SBF2: variants seen among roughly 807,000 people sequenced by gnomAD.
The protein encoded by SBF2 is myotubularin-related protein 13.
SBF2 carries 112 observed loss-of-function variants against 225.2 expected under a neutral mutation model. The observed-to-expected ratio is 0.50, with a 90% CI of 0.43 to 0.58. SBF2 has a LOEUF of 0.58. Among genes scored for constraint, SBF2 ranks in the 20% least tolerant of loss-of-function variants. SBF2 has a pLI of 0.00. For synonymous variants in SBF2, 763 were observed against 773.3 expected, an observed-to-expected ratio of 0.99 and a Z score of 0.22; for missense variants, 1,996 against 2,206.2, an observed-to-expected ratio of 0.90 and a Z score of 1.91.
chr11:9,832,114 G>T, intron 27 of SBF2, 110 bp downstream of exon 27: 1 of 924,934 alleles, frequency 1.1e-6, no homozygotes, highest in Non-Finnish European at 1.7e-6. Flanking sequence ...AAAAGTTTGT[G>T]TGTGAGACAA....
intron 2 of SBF2, among the ~76,000 whole-genome samples, chr11:10,085,848 A>C (rs1951545589): frequency 6.6e-6 from 1 of 151,888 alleles, no homozygotes; most frequent in African/African-American, 2.4e-5. Context: ...TCCCCAGCCA[A>C]AAATAATTTT....
intron 16 of SBF2, among the ~76,000 whole-genome samples, chr11:9,896,319 A>T (rs1407030271): frequency 6.6e-6 from 1 of 152,144 alleles, no homozygotes; most frequent in African/African-American, 2.4e-5. Context: ...CTCTACAAAG[A>T]TTGTTAAAAG....
chr11:9,781,775 T>G, intron 38 of SBF2, 137 bp from the exon 39 acceptor site: 1 of 1,000,888 alleles, frequency 1.0e-6, no homozygotes, highest in East Asian at 2.5e-5. Context: ...ACACAAAAAA[T>G]TAATTAATAA....
rs185088013 is a variant in SBF2, at chr11:10,240,161, A to G, written c.56-46174T>C. On this transcript the variant is annotated intron_variant, in intron 1 of 39. Transcript: ENST00000256190. ...GCTAACTATACAGACTTAAAACCTT[A>G]TCTCAGGAGATGAAACCCTAGATGA... Among the ~76,000 whole-genome samples the G allele has an allele frequency of 2.0e-4, 30 of 152,166 alleles. No homozygotes were observed. In the East Asian group the frequency reaches 2.5e-3, roughly 13 times the overall value.
intron 2 of SBF2, among the ~76,000 whole-genome samples, chr11:10,124,950 C>G (rs1364010093): frequency 6.6e-6 from 1 of 151,496 alleles, no homozygotes; most frequent in African/African-American, 2.4e-5. Context: ...ACTAAAAGTA[C>G]AAAAATTAGC....
intron 16 of SBF2, among the ~76,000 whole-genome samples, chr11:9,937,342 T>A (rs1166711183): frequency 6.6e-6 from 1 of 151,292 alleles, no homozygotes; most frequent in Non-Finnish European, 1.5e-5. Context: ...ATGAAAAAAA[T>A]TTATCAATTT....
chr11:10,189,438 G>C (rs907320909), intron 2 of SBF2, among the ~76,000 whole-genome samples: 5 of 152,130 alleles, frequency 3.3e-5, no homozygotes, highest in African/African-American at 1.2e-4. Context: ...ATTCTAAACA[G>C]CTTAAAGAAT....
intron 2 of SBF2, among the ~76,000 whole-genome samples, chr11:10,092,179 G>C (rs1951809212): frequency 6.6e-6 from 1 of 152,068 alleles, no homozygotes; most frequent in South Asian, 2.1e-4. Flanking sequence ...GTAATTTTGA[G>C]AAACAGAAAT....
At chr11:9,780,570 A>G (rs1424202018) in intron 39 of SBF2, 54 bp from the exon 40 acceptor site, 1 of 1,471,242 alleles carries the variant, frequency 6.8e-7, no homozygotes. Flanking sequence ...TGTTTTATGG[A>G]TTTGGGTAAG....
chr11:9,987,816 C>T (rs1230365489), intron 13 of SBF2, among the ~76,000 whole-genome samples: 1 of 151,962 alleles, frequency 6.6e-6, no homozygotes, highest in African/African-American at 2.4e-5. Context: ...ATGGGTAGAA[C>T]CAGTATTGTG....
intron 2 of SBF2, among the ~76,000 whole-genome samples, chr11:10,112,540 C>T (rs1012408018): frequency 1.3e-5 from 2 of 152,158 alleles, no homozygotes; most frequent in African/African-American, 4.8e-5. Context: ...TATAAATTAC[C>T]CAGTCTCAGG....
intron 2 of SBF2, among the ~76,000 whole-genome samples, chr11:10,051,925 G>C (rs1332829137): frequency 6.6e-6 from 1 of 152,042 alleles, no homozygotes; most frequent in Non-Finnish European, 1.5e-5. Flanking sequence ...AATGCTAGCT[G>C]GTTTAGTCTT....
At position 10,118,937 on chromosome 11, in the gene SBF2, CAAAA is replaced by C. The variant is rs149787721; in HGVS notation, c.141+74961_141+74964del. Reference sequence around the variant, plus strand: ...AAACAAAACTAAACAAACAAACAAACAAAAAAAAAACACTCAGCATCTTCCTCTG... The same window carrying C: ...AAACAAAACTAAACAAACAAACAAACAAAAAACACTCAGCATCTTCCTCTG... On this transcript the variant is annotated intron_variant, in intron 2 of 39. Transcript: ENST00000256190. 3.5e-5 allele frequency among the ~76,000 whole-genome samples: 5 copies of C among 141,822 alleles called. No individual in the cohort carries two copies. The South Asian group carries it at 6.7e-4, about 19-fold the overall frequency. The allele number at this position is 141,822 out of a possible 152,430, so 93.0% of individuals were successfully genotyped here.
intron 10 of SBF2, among the ~76,000 whole-genome samples, chr11:9,993,581 T>A (rs1590702843): frequency 6.6e-6 from 1 of 152,242 alleles, no homozygotes; most frequent in Non-Finnish European, 1.5e-5. Flanking sequence ...CTTGTAAGCA[T>A]CTCTTTTGTT....
At chr11:9,921,067 T>TC (rs1565005211) in intron 16 of SBF2, among the ~76,000 whole-genome samples, 1 of 130,970 alleles carries the variant, frequency 7.6e-6, no homozygotes, top group Admixed American at 7.5e-5. Context: ...AAAACTTCTT[T>TC]TTTTTTTTTT....
chr11:10,148,441 G>C (rs541680341), intron 2 of SBF2, among the ~76,000 whole-genome samples: 1 of 152,138 alleles, frequency 6.6e-6, no homozygotes, highest in South Asian at 2.1e-4. Context: ...CCCCAAAAGA[G>C]CAAAGAGAGA....
chr11:10,170,937 G>C (rs768966964), intron 2 of SBF2, among the ~76,000 whole-genome samples: 2 of 151,820 alleles, frequency 1.3e-5, no homozygotes, highest in Admixed American at 1.3e-4. Context: ...ATTTTTTTCA[G>C]ATAGTTCACT....
At chr11:10,267,124 A>C (rs1021885657) in intron 1 of SBF2, among the ~76,000 whole-genome samples, 2 of 152,078 alleles carry the variant, frequency 1.3e-5, no homozygotes, top group Non-Finnish European at 2.9e-5. Context: ...AATTACATTA[A>C]ATTAAATTAA....
chr11:9,879,895 C>T (rs1266624208), intron 17 of SBF2, among the ~76,000 whole-genome samples: 7 of 151,772 alleles, frequency 4.6e-5, no homozygotes, highest in Admixed American at 3.3e-4. Flanking sequence ...ACTGCCCTGG[C>T]CAATGTGGCA....
Sources: gnomAD v4.1 joint callset for allele counts (sites outside exome capture counted in the v4.1 genomes callset) on GRCh38, gnomAD v4.1.1 for gene constraint, MANE v1.5 for transcripts, NCBI Gene and HGNC (gene_info 2026-07-23, HGNC 2026-07-21) for gene names.